Variants in USP15 observed in about 807,000 individuals in gnomAD.
USP15 encodes ubiquitin specific peptidase 15.
In USP15, 18 loss-of-function variants were observed where a neutral mutation model predicts 127.1. The observed-to-expected ratio is 0.14, with a 90% confidence interval of 0.10 to 0.21. USP15 has a LOEUF of 0.21. Among genes scored for constraint, USP15 ranks in the 10% least tolerant of loss-of-function variants. The pLI, the probability that USP15 is intolerant of heterozygous loss-of-function variation, is 1.00. For synonymous variants in USP15, 364 were observed against 393.7 expected (o/e 0.92, Z 0.89); for missense variants, 805 against 1,159.9 (o/e 0.69, Z 4.44).
chr12:62,355,815 CT>C (rs775118962), intron 8 of USP15, among the ~76,000 whole-genome samples: 3 of 114,966 alleles, frequency 2.6e-5, no homozygotes, highest in Non-Finnish European at 3.7e-5. Flanking sequence ...GTCTGTTGCA[CT>C]TTTTTTTTCT....
chr12:62,339,970 C>T (rs905779762), intron 6 of USP15, among the ~76,000 whole-genome samples: 4 of 152,130 alleles, frequency 2.6e-5, no homozygotes, highest in African/African-American at 9.7e-5. Context: ...GTACCAGCTC[C>T]TCTTTGTACC....
intron 8 of USP15, among the ~76,000 whole-genome samples, chr12:62,371,673 C>A (rs901917369): frequency 2.0e-5 from 3 of 152,002 alleles, no homozygotes; most frequent in Non-Finnish European, 4.4e-5. Flanking sequence ...AAAAATTAGT[C>A]CTTTCCATGT....
intron 6 of USP15, chr12:62,328,210 G>T (rs769249123): frequency 5.0e-6 from 2 of 402,800 alleles, no homozygotes; most frequent in East Asian, 7.1e-5. Flanking sequence ...ATTCAGCAAG[G>T]TTGTCTAATA....
At chr12:62,392,491 T>G in intron 18 of USP15, 104 bp downstream of exon 18, 1 of 783,286 alleles carries the variant, frequency 1.3e-6, no homozygotes, top group Non-Finnish European at 2.0e-6. Context: ...CTCTTTGATG[T>G]TTTAAATAGT....
intron 8 of USP15, among the ~76,000 whole-genome samples, chr12:62,359,606 C>T (rs1276464632): frequency 2.0e-5 from 3 of 152,136 alleles, no homozygotes; most frequent in Non-Finnish European, 4.4e-5. Flanking sequence ...TATCTGTCCT[C>T]TTTTCTTGAG....
rs2067269412 is a variant in USP15 at position 62,389,924 on chromosome 12, C to T, written c.1780C>T (p.Leu594Phe). ...TTCTTCACTTTTTGGTCAGCCCTTT[C>T]TTATGGCTGTACCACGAAACAATAC... ...TGSSLFGQPF[L>F]MAVPRNNTED... The change falls in exon 14 of 22, where the codon CTT becomes TTT. Residue 594 changes from leucine to phenylalanine, a missense_variant. This residue lies in a region of USP15 where 225 missense variants were observed against 239.5 expected (regional missense o/e 0.94). Coordinates refer to ENST00000280377, the MANE Select transcript of USP15 (RefSeq NM_001252078.2). 6.2e-7 allele frequency: 1 copy of T among 1,613,766 alleles called. No individual in the cohort carries two copies. The highest frequency in any genetic ancestry group is 1.3e-5 in the African/African-American group (1 of 75,030).
intron 6 of USP15, chr12:62,336,052 G>C (rs1190982467): frequency 2.0e-6 from 2 of 984,728 alleles, no homozygotes; most frequent in African/African-American, 1.7e-5. Context: ...CCTTGGCACG[G>C]TGCAGTGCAG....
intron 3 of USP15, among the ~76,000 whole-genome samples, chr12:62,306,732 G>A (rs887432783): frequency 6.6e-6 from 1 of 152,096 alleles, no homozygotes; most frequent in African/African-American, 2.4e-5. Context: ...CCCTCCAGAT[G>A]GCAAACGGTG....
At chr12:62,335,519 G>T in intron 6 of USP15, 1 of 1,133,446 alleles carries the variant, frequency 8.8e-7, no homozygotes. Flanking sequence ...CCTGGTCCTT[G>T]CTTTTTCTTT....
At chr12:62,274,801 T>C (rs2063441297) in intron 1 of USP15, among the ~76,000 whole-genome samples, 1 of 152,196 alleles carries the variant, frequency 6.6e-6, no homozygotes, top group Non-Finnish European at 1.5e-5. Flanking sequence ...ATTTATATTA[T>C]GCAGATACTA....
Position 62,321,623 on chromosome 12 carries a change from T to G in USP15, c.621+14T>G, listed in dbSNP as rs1442432644. ...TACCAAGGACAGGTATTGTTTATTT[T>G]AAGCATACTGTATTATACATGAAGG... On this transcript the variant is annotated intron_variant, in intron 5 of 21. Coordinates refer to ENST00000280377, the MANE Select transcript of USP15 (RefSeq NM_001252078.2). The G allele has an allele frequency of 6.5e-7, 1 of 1,535,884 alleles. No individual in the cohort carries two copies. Among genetic ancestry groups the G allele is most frequent in the East Asian group, 2.3e-5 (1 of 42,642 alleles).
chr12:62,283,802 G>A (rs1432748307), intron 1 of USP15, among the ~76,000 whole-genome samples: 3 of 152,102 alleles, frequency 2.0e-5, no homozygotes, highest in Non-Finnish European at 4.4e-5. Flanking sequence ...AATTAGCTGG[G>A]CATGGTGGCA....
intron 21 of USP15, among the ~76,000 whole-genome samples, chr12:62,402,636 C>T (rs1565920173): frequency 6.6e-6 from 1 of 152,092 alleles, no homozygotes; most frequent in South Asian, 2.1e-4. Context: ...TTGGATGTGA[C>T]TCAAAGGAAA....
chr12:62,379,297 C>T (rs894634474), intron 8 of USP15, among the ~76,000 whole-genome samples: 9 of 150,962 alleles, frequency 6.0e-5, no homozygotes, highest in Admixed American at 3.3e-4. Flanking sequence ...TTAAATAAAG[C>T]TGGAACAGTT....
In USP15 at chr12:62,391,899, T is replaced by C; in HGVS notation, c.2304+13T>C. 1 of 1,600,368 alleles carries C rather than the reference T, an allele frequency of 6.2e-7. No homozygotes were observed. The stretch of plus-strand genomic sequence containing the variant: ...AAATGCTGCTGAGGTAAGTCATCAC[T>C]CACTCACTTATTTACCTTTCCTTGA... On this transcript the variant is annotated intron_variant, in intron 17 of 21. Transcript: ENST00000280377.
Position 62,260,487 on chromosome 12 carries a change from C to T in USP15, c.73C>T (p.Arg25Trp), listed in dbSNP as rs1212681996. ...DIATLLKTSLRKGDTWYLVDS... is the reference protein window; with the variant it reads ...DIATLLKTSLWKGDTWYLVDS... Reference sequence around the variant, plus strand: ...CGCGACGCTGCTCAAAACCTCGCTCCGGAAAGGGGACACCTGGTAAGAGAA... The same window carrying T: ...CGCGACGCTGCTCAAAACCTCGCTCTGGAAAGGGGACACCTGGTAAGAGAA... Residue 25 changes from arginine (R) to tryptophan (W), a missense_variant, in exon 1 of 22, where the codon CGG (arginine) becomes TGG (tryptophan). Physicochemically the swap from Arg to Trp is moderately radical, Grantham distance 101. Transcript: ENST00000280377. The T allele has an allele frequency of 1.3e-6, 2 of 1,551,540 alleles. No homozygotes were observed. The highest frequency in any genetic ancestry group is 8.7e-7 in the Non-Finnish European group (1 of 1,147,220).
Position 62,285,014 on chromosome 12 carries a change from A to G in USP15, c.90-9165A>G, listed in dbSNP as rs573993981. On this transcript the variant is annotated intron_variant, in intron 1 of 21. Transcript: ENST00000280377. Reference sequence around the variant, plus strand: ...AATCCTGCTTGCCCCATATTTTACTACTATAGGAGGAACAGTCAGAGATAG... The same window carrying G: ...AATCCTGCTTGCCCCATATTTTACTGCTATAGGAGGAACAGTCAGAGATAG... Among the ~76,000 whole-genome samples, 19 of 152,266 alleles carry G rather than the reference A, an allele frequency of 1.2e-4. No individual in the cohort carries two copies. The East Asian group carries it at 1.9e-3, about 15-fold the overall frequency.
In USP15 at chr12:62,416,245, A is replaced by G. The variant is rs1229849454; in HGVS notation, c.*11870A>G. On this transcript the variant is annotated 3_prime_UTR_variant, in exon 22 of 22. Coordinates refer to ENST00000280377, the MANE Select transcript of USP15 (RefSeq NM_001252078.2). ...GCTAGATCTTCTGACATCAACTGCC[A>G]CCTTGGGCTATAAGTTACGTGTGTC... The G allele has an allele frequency of 6.6e-6, 1 of 152,194 alleles. No individual in the cohort carries two copies. Among genetic ancestry groups the G allele is most frequent in the African/African-American group, 2.4e-5 (1 of 41,456 alleles). The allele number at this position is 152,194 out of a possible 1,614,324, so 9.4% of individuals were successfully genotyped here.
intron 19 of USP15, 33 bp downstream of exon 19, chr12:62,393,235 C>G: frequency 6.3e-7 from 1 of 1,588,030 alleles, no homozygotes. Flanking sequence ...AAGCATTGGG[C>G]AACTCTTCTT....
Sources: allele counts gnomAD v4.1 joint callset (sites outside exome capture counted in the v4.1 genomes callset), GRCh38; gene constraint gnomAD v4.1.1; regional missense constraint gnomAD v4.1.1; transcripts MANE v1.5; gene names NCBI Gene and HGNC (gene_info 2026-07-23, HGNC 2026-07-21).